The following EXD1 variants were observed in gnomAD, a reference collection of about 807,000 sequenced individuals.
The protein encoded by EXD1 is exonuclease 3'-5' domain containing 1.
EXD1 carries 63 observed loss-of-function variants against 49.1 expected under a neutral mutation model. That is an observed-to-expected ratio of 1.28 (90% CI 1.05 to 1.58). The LOEUF is 1.58. Among genes scored for constraint, EXD1 ranks in the 40% most tolerant of loss-of-function variants. The pLI is 0.00. For missense variants in EXD1, 748 were observed against 666.0 expected (o/e 1.12, Z -1.36); for synonymous variants, 234 against 239.2 (o/e 0.98, Z 0.20).
intron 11 of EXD1, among the ~76,000 whole-genome samples, chr15:41,185,119 G>C (rs564581805): frequency 1.3e-5 from 2 of 152,280 alleles, no homozygotes; most frequent in South Asian, 4.1e-4. Flanking sequence ...GTCTCTGTGT[G>C]TATGCACGTA....
At position 41,217,120 on chromosome 15, in the gene EXD1, C is replaced by T. The variant is rs770476442; in HGVS notation, c.237G>A (p.Val79=). ...ELLDEVEQGS[V]RAKASSVSLH... Reference sequence around the variant, plus strand: ...ACCTAACAGAAGATGCTTTTGCTCTCACTGAGCCTTGTTCCACTTCATCTA... The same window carrying T: ...ACCTAACAGAAGATGCTTTTGCTCTTACTGAGCCTTGTTCCACTTCATCTA... The change falls in exon 4 of 12, where the codon GTG becomes GTA. Residue 79 remains valine, a synonymous_variant. Transcript: ENST00000458580. 6.2e-7 allele frequency: 1 copy of T among 1,612,482 alleles called. No homozygotes were observed. Among genetic ancestry groups the T allele is most frequent in the South Asian group, 1.1e-5 (1 of 91,038 alleles).
At chr15:41,189,823 T>C in intron 11 of EXD1, 114 bp downstream of exon 11, 1 of 1,016,244 alleles carries the variant, frequency 9.8e-7, no homozygotes, top group East Asian at 2.4e-5. Flanking sequence ...CAAGAGTATT[T>C]ATCCCCAAGT....
rs1483537369 is a variant in EXD1, at chr15:41,219,821, G to T, written c.202+9C>A. 6.5e-7 allele frequency: 1 copy of T among 1,533,146 alleles called. No homozygotes were observed. Among genetic ancestry groups the T allele is most frequent in the Non-Finnish European group, 8.7e-7 (1 of 1,144,766 alleles). 95.0% of individuals were successfully genotyped at this position (1,533,146 alleles called of 1,614,324 possible). A position where few individuals can be genotyped will look rare whatever the true frequency, so the allele number is the denominator to read the frequency against. ...GTACTAGCATTTTCAAGGAACATGGGGGTCTCACCATTCACAATCTCATGC... is the reference window on the plus strand; with the variant it reads ...GTACTAGCATTTTCAAGGAACATGGTGGTCTCACCATTCACAATCTCATGC... On this transcript the variant is annotated intron_variant, in intron 3 of 11. Coordinates refer to ENST00000458580, the MANE Select transcript of EXD1 (RefSeq NM_001286441.2).
intron 6 of EXD1, among the ~76,000 whole-genome samples, chr15:41,214,639 C>T (rs775172146): frequency 3.3e-5 from 5 of 152,188 alleles, no homozygotes; most frequent in Non-Finnish European, 7.3e-5. Context: ...TCCTACCATT[C>T]TTCTTCACTG....
At chr15:41,198,808 T>G (rs1049451194) in intron 7 of EXD1, among the ~76,000 whole-genome samples, 2 of 151,214 alleles carry the variant, frequency 1.3e-5, no homozygotes, top group African/African-American at 2.4e-5. Context: ...CGGGTTCAAG[T>G]GATTCTCCTG....
At chr15:41,185,262 T>C (rs1400381485) in intron 11 of EXD1, among the ~76,000 whole-genome samples, 1 of 8,050 alleles carries the variant, frequency 1.2e-4, no homozygotes, top group Non-Finnish European at 3.6e-3. Context: ...ATCATATACA[T>C]ATTTTTTCAT....
chr15:41,220,345 A>G (rs1440969577), intron 2 of EXD1, among the ~76,000 whole-genome samples: 2 of 151,168 alleles, frequency 1.3e-5, no homozygotes, highest in Admixed American at 1.3e-4. Flanking sequence ...ATCTCGGCTC[A>G]CTGCAACTTC....
chr15:41,184,889 C>T (rs143950621), intron 11 of EXD1, among the ~76,000 whole-genome samples: 1 of 152,092 alleles, frequency 6.6e-6, no homozygotes. Context: ...ATCTCCTGAC[C>T]TCGTGATCCA....
intron 9 of EXD1, among the ~76,000 whole-genome samples, chr15:41,192,592 GCATTTTTTTTTTTTT>G (rs1311108679): frequency 2.2e-4 from 19 of 86,214 alleles, no homozygotes; most frequent in South Asian, 6.9e-4. Flanking sequence ...ACTGCGCCAG[GCATTTTTTTTTTTTT>G]TTTTTTTTTT....
chr15:41,212,741 T>C (rs1329042522), intron 6 of EXD1, among the ~76,000 whole-genome samples: 4 of 152,138 alleles, frequency 2.6e-5, no homozygotes, highest in East Asian at 1.9e-4. Context: ...ATCCATACAA[T>C]AGAATATGAT....
intron 7 of EXD1, among the ~76,000 whole-genome samples, chr15:41,203,916 C>CAAAAAAAAAAA (rs1187093511): frequency 8.2e-4 from 19 of 23,242 alleles, no homozygotes; most frequent in African/African-American, 1.1e-3. Context: ...GACTTCTCCT[C>CAAAAAAAAAAA]AAAAAAAAAA....
rs774702210 is a variant in EXD1 at position 41,184,223 on chromosome 15, C to T, written c.1427G>A (p.Gly476Glu). ...SNKLICTKSKGSEDQRITQKE... is the reference protein window; with the variant it reads ...SNKLICTKSKESEDQRITQKE... ...CTGAGTTATTCTCTGGTCCTCTGAC[C>T]CCTTTGACTTTGTGCAAATGAGTTT... is the stretch of plus-strand genomic sequence containing the variant. The change falls in exon 12 of 12, where the codon GGG (glycine) becomes GAG (glutamate). Residue 476 changes from glycine (G) to glutamate (E), a missense_variant. By Grantham distance (98) the Gly-to-Glu change is moderately conservative. Coordinates refer to ENST00000458580, the MANE Select transcript of EXD1 (RefSeq NM_001286441.2). 45 of 1,614,004 alleles carry T rather than the reference C, an allele frequency of 2.8e-5. No individual in the cohort carries two copies. Among genetic ancestry groups the T allele is most frequent in the Non-Finnish European group, 3.6e-5 (43 of 1,180,042 alleles).
chr15:41,222,872 G>C (rs2047110279), intron 2 of EXD1, among the ~76,000 whole-genome samples: 1 of 146,088 alleles, frequency 6.8e-6, no homozygotes, highest in African/African-American at 2.5e-5. Context: ...GGAGGCAGAG[G>C]TTCCAGTGAA....
intron 7 of EXD1, among the ~76,000 whole-genome samples, chr15:41,206,523 C>G (rs2046825052): frequency 6.8e-6 from 1 of 146,102 alleles, no homozygotes; most frequent in Non-Finnish European, 1.5e-5. Flanking sequence ...AACTACATTT[C>G]AATGTGTTAA....
intron 2 of EXD1, among the ~76,000 whole-genome samples, chr15:41,221,842 C>T (rs2047093551): frequency 6.6e-6 from 1 of 151,988 alleles, no homozygotes; most frequent in Admixed American, 6.6e-5. Flanking sequence ...GTGGTTCACG[C>T]CTGTAATTCC....
chr15:41,224,216 G>A (rs2047129623), intron 2 of EXD1, among the ~76,000 whole-genome samples: 1 of 152,194 alleles, frequency 6.6e-6, no homozygotes, highest in Non-Finnish European at 1.5e-5. Context: ...GGGATTACAG[G>A]CGTGAGCCAC....
chr15:41,206,155 C>T (rs2046818768), intron 7 of EXD1, among the ~76,000 whole-genome samples: 1 of 151,862 alleles, frequency 6.6e-6, no homozygotes, highest in Middle Eastern at 3.2e-3. Context: ...CAAGAGAAAG[C>T]AATAAGCATG....
At chr15:41,197,458 A>G (rs2046634205) in intron 7 of EXD1, among the ~76,000 whole-genome samples, 1 of 150,902 alleles carries the variant, frequency 6.6e-6, no homozygotes, top group African/African-American at 2.4e-5. Flanking sequence ...GATGGTCTCG[A>G]TCTCCTGACC....
chr15:41,190,729 A>G (rs1041154516), intron 10 of EXD1, among the ~76,000 whole-genome samples: 5 of 152,140 alleles, frequency 3.3e-5, no homozygotes, highest in Non-Finnish European at 5.9e-5. Flanking sequence ...AATTGCAGCC[A>G]ATACAATTAT....
Sources: gnomAD v4.1 joint callset for allele counts (sites outside exome capture counted in the v4.1 genomes callset) on GRCh38, gnomAD v4.1.1 for gene constraint, MANE v1.5 for transcripts, NCBI Gene and HGNC (gene_info 2026-07-23, HGNC 2026-07-21) for gene names.